Variants in ALDH3A1 observed in about 807,000 individuals in gnomAD.
The protein encoded by ALDH3A1 is aldehyde dehydrogenase 3 family member A1.
A neutral mutation model predicts 49.9 loss-of-function variants in ALDH3A1; 46 were observed. That is an observed-to-expected ratio of 0.92 (90% CI 0.73 to 1.18). The LOEUF is 1.18. Among genes scored for constraint, ALDH3A1 ranks in the 50% most tolerant of loss-of-function variants. The probability of loss-of-function intolerance (pLI) is 0.00; values close to 1 mark genes in which losing one functional copy is unlikely to be tolerated. For synonymous variants in ALDH3A1, 269 were observed against 253.3 expected (o/e 1.06, Z -0.59); for missense variants, 592 against 611.8 (o/e 0.97, Z 0.34).
chr17:19,746,676 T>TGC (rs2086602885), intron 1 of ALDH3A1, among the ~76,000 whole-genome samples: 1 of 144,794 alleles, frequency 6.9e-6, no homozygotes, highest in South Asian at 2.2e-4. Flanking sequence ...TGCGTGTGTG[T>TGC]GCATGTGCGT....
intron 5 of ALDH3A1, chr17:19,741,470 G>T: frequency 2.3e-6 from 1 of 426,580 alleles, no homozygotes; most frequent in East Asian, 4.3e-5. Flanking sequence ...TCACGCCCTT[G>T]TCCTGCACAG....
intron 5 of ALDH3A1, among the ~76,000 whole-genome samples, chr17:19,741,663 T>C (rs899316731): frequency 6.6e-6 from 1 of 152,130 alleles, no homozygotes; most frequent in African/African-American, 2.4e-5. Flanking sequence ...CCCTGCCCCA[T>C]CAGAGGGCTG....
At chr17:19,744,895 T>TGCCC in intron 2 of ALDH3A1, 73 bp downstream of exon 2, 594 of 923,392 alleles carry the variant, frequency 6.4e-4, no homozygotes, top group Middle Eastern at 1.1e-3. Flanking sequence ...GGTCGCACTC[T>TGCCC]CCCCAGCCCC....
chr17:19,744,739 G>A lies in ALDH3A1; in HGVS notation c.162+229C>T, dbSNP rs537463059. 4.4e-4 allele frequency: 595 copies of A among 1,358,538 alleles called. 11 individuals are homozygous for A. The South Asian group carries it at 9.8e-3, about 22-fold the overall frequency. 84.2% of individuals were successfully genotyped at this position (1,358,538 alleles called of 1,614,324 possible). A position where few individuals can be genotyped will look rare whatever the true frequency, so the allele number is the denominator to read the frequency against. On this transcript the variant is annotated intron_variant, in intron 2 of 10. Coordinates refer to ENST00000225740, the MANE Select transcript of ALDH3A1 (RefSeq NM_000691.5). Reference sequence around the variant, plus strand: ...AGTTGAAATGGGGGACGCTGCGGGCGGGACGCGGAGGCCGGGCCAGGAGGA... The same window carrying A: ...AGTTGAAATGGGGGACGCTGCGGGCAGGACGCGGAGGCCGGGCCAGGAGGA...
intron 2 of ALDH3A1, chr17:19,744,754 G>C (rs901710281): frequency 5.6e-5 from 76 of 1,367,256 alleles, no homozygotes; most frequent in Non-Finnish European, 6.5e-5. Context: ...GCGGAGGCCG[G>C]GCCAGGAGGA....
chr17:19,743,925 T>C lies in ALDH3A1; in HGVS notation c.163-462A>G. The C allele has an allele frequency of 1.0e-6, 1 of 984,970 alleles. No individual in the cohort carries two copies. Among genetic ancestry groups the C allele is most frequent in the Non-Finnish European group, 1.2e-6 (1 of 829,826 alleles). 61.0% of individuals were successfully genotyped at this position (984,970 alleles called of 1,614,324 possible). ...AGGGGGATGCAGGACCAAGGGCTGC[T>C]GGGCGCTCAGGGCCTCCTGTGGGGA... On this transcript the variant is annotated intron_variant, in intron 2 of 10. Transcript: ENST00000225740. This position sits in a 1 kb window ranked among gnomAD's most constrained non-coding sequence, Gnocchi z 4.4.
In ALDH3A1 at chr17:19,739,008, A is replaced by C; in HGVS notation, c.1204T>G (p.Phe402Val). ...IVHITLHSLP[F>V]GGVGNSGMGS... is the part of the protein sequence containing the mutation. ...GCCCCAGACTCACCCACGCCCCCGA[A>C]GGGCAGAGAGTGCAAGGTGATGTGG... is the stretch of plus-strand genomic sequence containing the variant. Residue 402 changes from phenylalanine (F) to valine (V), a missense_variant, in exon 9 of 11, where the codon TTC becomes GTC. Coordinates refer to ENST00000225740, the MANE Select transcript of ALDH3A1 (RefSeq NM_000691.5). The C allele has an allele frequency of 6.2e-7, 1 of 1,613,592 alleles. No individual in the cohort carries two copies. Among genetic ancestry groups the C allele is most frequent in the Admixed American group, 1.7e-5 (1 of 60,000 alleles).
intron 8 of ALDH3A1, 69 bp downstream of exon 8, chr17:19,739,439 G>A (rs2086448600): frequency 2.0e-6 from 3 of 1,519,528 alleles, no homozygotes; most frequent in African/African-American, 2.7e-5. Context: ...GAACAGTGAA[G>A]CTGCAGTTTG....
chr17:19,744,921 T>TC, intron 2 of ALDH3A1, 47 bp downstream of exon 2: 4 of 258,744 alleles, frequency 1.5e-5, no homozygotes, highest in Middle Eastern at 1.1e-3. Flanking sequence ...CCACGCCCCA[T>TC]CGCATGGCCC....
intron 2 of ALDH3A1, 60 bp downstream of exon 2, chr17:19,744,908 C>CCT (rs1555546881): frequency 8.8e-6 from 8 of 908,506 alleles, no homozygotes; most frequent in South Asian, 4.4e-5. Context: ...CCAGCCCCTC[C>CCT]CCCCACGCCC....
At position 19,739,592 on chromosome 17, in the gene ALDH3A1, G is replaced by A. The variant is rs770247968; in HGVS notation, c.1032C>T (p.Cys344=). 6.8e-6 allele frequency: 11 copies of A among 1,613,782 alleles called. No individual in the cohort carries two copies. Among genetic ancestry groups the A allele is most frequent in the East Asian group, 6.7e-5 (3 of 44,886 alleles). Residue 344 remains cysteine, a synonymous_variant, in exon 8 of 11, where the codon TGC becomes TGT. Transcript: ENST00000225740. ...GGATGGCCTCCTCCAGGCTGCGCAC[G>A]CACACGATGGGCAGCACAGGCCCGA... The part of the protein sequence containing the change: ...EIFGPVLPIV[C]VRSLEEAIQF...
At chr17:19,740,122 TG>T in intron 7 of ALDH3A1, 1 of 573,516 alleles carries the variant, frequency 1.7e-6, no homozygotes, top group Non-Finnish European at 3.0e-6. Context: ...CCCCTCTTTC[TG>T]GGCCTTTGCT....
At chr17:19,739,703 C>A in intron 7 of ALDH3A1, 29 bp from the exon 8 acceptor site, 1 of 1,611,144 alleles carries the variant, frequency 6.2e-7, no homozygotes. Flanking sequence ...CAGAGTTGGA[C>A]GGCGCAGAGA....
In ALDH3A1 at chr17:19,739,616, G is replaced by A. The variant is rs931092033; in HGVS notation, c.1008C>T (p.Phe336=). 1.5e-5 allele frequency: 25 copies of A among 1,613,808 alleles called. No individual in the cohort carries two copies. Among genetic ancestry groups the A allele is most frequent in the Admixed American group, 1.0e-4 (6 of 59,980 alleles). Residue 336 remains phenylalanine, a synonymous_variant, in exon 8 of 11, where the codon TTC becomes TTT. Transcript: ENST00000225740. ...PQSPVMQEEI[F]GPVLPIVCVR... ...CGCACACGATGGGCAGCACAGGCCCGAAGATCTCCTCTTGCATCACCGGGG... is the reference window on the plus strand; with the variant it reads ...CGCACACGATGGGCAGCACAGGCCCAAAGATCTCCTCTTGCATCACCGGGG...
chr17:19,746,644 CGTGTGTGTGCATGTGTGT>C (rs2086600441), intron 1 of ALDH3A1, among the ~76,000 whole-genome samples: 8 of 143,926 alleles, frequency 5.6e-5, no homozygotes, highest in Non-Finnish European at 1.2e-4. Flanking sequence ...TGTGCGTGTG[CGTGTGTGTGCATGTGTGT>C]GTGTGCGTGT....
intron 1 of ALDH3A1, among the ~76,000 whole-genome samples, chr17:19,746,163 C>T (rs549273986): frequency 1.3e-5 from 2 of 152,058 alleles, no homozygotes; most frequent in Non-Finnish European, 1.5e-5. Context: ...CTGAGGTGGG[C>T]GGGTCACCTG....
rs1257612847 is a variant in ALDH3A1 at position 19,743,981 on chromosome 17, G to A, written c.163-518C>T. On this transcript the variant is annotated intron_variant, in intron 2 of 10. Coordinates refer to ENST00000225740, the MANE Select transcript of ALDH3A1 (RefSeq NM_000691.5). This position sits in a 1 kb window ranked among gnomAD's most constrained non-coding sequence, Gnocchi z 4.4. The stretch of plus-strand genomic sequence containing the variant: ...GGTGAGAAGAGGAGATGCAGACGGC[G>A]GAAAACGCGTCTCTTTTATAAACTT... 6 of 985,318 alleles carry A rather than the reference G, an allele frequency of 6.1e-6. No homozygotes were observed. The highest frequency in any genetic ancestry group is 5.2e-4 in the Middle Eastern group (1 of 1,914). 61.0% of individuals were successfully genotyped at this position (985,318 alleles called of 1,614,324 possible).
Position 19,743,945 on chromosome 17 carries a change from T to C in ALDH3A1, c.163-482A>G, listed in dbSNP as rs1316900621. The C allele has an allele frequency of 1.4e-5, 14 of 984,750 alleles. 1 individual carries two copies. In the South Asian group the frequency reaches 6.6e-4, roughly 46 times the overall value. 61.0% of individuals were successfully genotyped at this position (984,750 alleles called of 1,614,324 possible). ...GCTGCTGGGCGCTCAGGGCCTCCTG[T>C]GGGGAGCAGGGGTGAGAAGAGGAGA... On this transcript the variant is annotated intron_variant, in intron 2 of 10. Transcript: ENST00000225740. This position sits in a 1 kb window ranked among gnomAD's most constrained non-coding sequence, Gnocchi z 4.4.
At chr17:19,746,464 G>T (rs1039789268) in intron 1 of ALDH3A1, among the ~76,000 whole-genome samples, 1 of 152,064 alleles carries the variant, frequency 6.6e-6, no homozygotes, top group Non-Finnish European at 1.5e-5. Flanking sequence ...GAAGTCAAGA[G>T]GCTGTCAGTG....
Sources: allele counts gnomAD v4.1 joint callset (sites outside exome capture counted in the v4.1 genomes callset), GRCh38; gene constraint gnomAD v4.1.1; non-coding constraint Gnocchi (gnomAD v3.1); transcripts MANE v1.5; gene names NCBI Gene and HGNC (gene_info 2026-07-23, HGNC 2026-07-21).